The following PMM2 variants were observed in gnomAD, a reference collection of about 807,000 sequenced individuals.
The protein encoded by PMM2 is mannose-6-phosphate isomerase.
PMM2 carries 35 observed loss-of-function variants against 33.2 expected under a neutral mutation model. That is an observed-to-expected ratio of 1.06 (90% CI 0.81 to 1.40). PMM2 has a LOEUF of 1.40. PMM2 is among the 40% of genes most tolerant of loss of function. PMM2 has a pLI of 0.00. For missense variants in PMM2, 386 were observed against 306.0 expected (o/e 1.26, Z -1.95); for synonymous variants, 153 against 114.7 (o/e 1.33, Z -2.13).
chr16:8,821,719 G>C (rs1210274049), intron 7 of PMM2, among the ~76,000 whole-genome samples: 3 of 152,234 alleles, frequency 2.0e-5, no homozygotes, highest in Non-Finnish European at 2.9e-5. Context: ...GCCAGCTCAG[G>C]TTCCACCCTC....
At chr16:8,803,774 C>T (rs1011050089) in intron 2 of PMM2, among the ~76,000 whole-genome samples, 1 of 151,926 alleles carries the variant, frequency 6.6e-6, no homozygotes, top group Non-Finnish European at 1.5e-5. Context: ...ACCTCTGCGT[C>T]CTGGGTTCAA....
intron 7 of PMM2, among the ~76,000 whole-genome samples, chr16:8,816,009 T>C (rs2060706284): frequency 6.6e-6 from 1 of 151,542 alleles, no homozygotes; most frequent in Non-Finnish European, 1.5e-5. Context: ...TAGACAGTTC[T>C]CCAAAGAAGA....
chr16:8,797,927 G>A lies in PMM2; in HGVS notation c.45G>A (p.Gly15=). 1 of 1,609,278 alleles carries A rather than the reference G, an allele frequency of 6.2e-7. No individual in the cohort carries two copies. Among genetic ancestry groups the A allele is most frequent in the Non-Finnish European group, 8.5e-7 (1 of 1,178,348 alleles). ...CGCTCTGCCTCTTCGACGTGGATGGGACCCTCACCGCCCCGCGGCAGGTAA... is the reference window on the plus strand; with the variant it reads ...CGCTCTGCCTCTTCGACGTGGATGGAACCCTCACCGCCCCGCGGCAGGTAA... The part of the protein sequence containing the change: ...GPALCLFDVD[G]TLTAPRQKIT... The change falls in exon 1 of 8, where the codon GGG becomes GGA. Residue 15 remains glycine (G), a synonymous_variant. Transcript: ENST00000268261.
At position 8,847,912 on chromosome 16, in the gene PMM2, C is replaced by T. The variant is rs966704718; in HGVS notation, c.*87C>T. 4.2e-6 allele frequency: 4 copies of T among 956,928 alleles called. No individual in the cohort carries two copies. Among genetic ancestry groups the T allele is most frequent in the South Asian group, 2.6e-5 (2 of 75,608 alleles). 59.3% of individuals were successfully genotyped at this position (956,928 alleles called of 1,614,324 possible). ...AGCCGAGGGTCCTCCCACACGTGCTCACCCACCCGCAGCCTAGGCAGGCTC... is the reference window on the plus strand; with the variant it reads ...AGCCGAGGGTCCTCCCACACGTGCTTACCCACCCGCAGCCTAGGCAGGCTC... On this transcript the variant is annotated 3_prime_UTR_variant, in exon 8 of 8. Transcript: ENST00000268261.
At chr16:8,843,036 C>T (rs915946276) in intron 7 of PMM2, among the ~76,000 whole-genome samples, 11 of 152,086 alleles carry the variant, frequency 7.2e-5, no homozygotes, top group African/African-American at 1.4e-4. Context: ...GTCAGGGAAG[C>T]AGATAATTTG....
Position 8,834,631 on chromosome 16 carries a change from A to G in PMM2, c.640-13093A>G, listed in dbSNP as rs546014536. Among the ~76,000 whole-genome samples, 5 of 152,266 alleles carry G rather than the reference A, an allele frequency of 3.3e-5. No individual in the cohort carries two copies. The South Asian group carries it at 1.0e-3, about 32-fold the overall frequency. ...AATCCCTGAGGAGTAGTAGAATAGC[A>G]GATGGAACACTGAGAAGTTATTTCC... On this transcript the variant is annotated intron_variant, in intron 7 of 7. Transcript: ENST00000268261.
intron 7 of PMM2, among the ~76,000 whole-genome samples, chr16:8,819,136 A>C (rs529568309): frequency 1.1e-4 from 16 of 152,226 alleles, no homozygotes; most frequent in Admixed American, 2.0e-4. Context: ...CAGTGCACTC[A>C]AGCATGTGTG....
chr16:8,849,008 T>C lies in PMM2; in HGVS notation c.*1183T>C, dbSNP rs1448429884. ...AAACACTGAGCCATACACCCTCCAT[T>C]GCTTGGTGCTGGGGTTGTGTGGCCT... On this transcript the variant is annotated 3_prime_UTR_variant, in exon 8 of 8. Coordinates refer to ENST00000268261, the MANE Select transcript of PMM2 (RefSeq NM_000303.3). 2 of 152,188 alleles carry C rather than the reference T, an allele frequency of 1.3e-5. No individual in the cohort carries two copies. Among genetic ancestry groups the C allele is most frequent in the Non-Finnish European group, 2.9e-5 (2 of 68,044 alleles). 9.4% of individuals were successfully genotyped at this position (152,188 alleles called of 1,614,324 possible).
At chr16:8,823,625 G>T (rs1260148330) in intron 7 of PMM2, among the ~76,000 whole-genome samples, 2 of 141,568 alleles carry the variant, frequency 1.4e-5, no homozygotes, top group Non-Finnish European at 3.2e-5. Flanking sequence ...CTGAAACTTT[G>T]TTCCATAAGA....
At chr16:8,842,348 C>T (rs2060896028) in intron 7 of PMM2, 1 of 152,072 alleles carries the variant, frequency 6.6e-6, no homozygotes, top group Non-Finnish European at 1.5e-5. Flanking sequence ...GGAGGGGCTA[C>T]AAAGAAGAAG....
At chr16:8,799,061 A>G (rs905363649) in intron 1 of PMM2, among the ~76,000 whole-genome samples, 1 of 152,120 alleles carries the variant, frequency 6.6e-6, no homozygotes, top group Non-Finnish European at 1.5e-5. Flanking sequence ...CCGGTCCCCA[A>G]TTCATTTTTT....
chr16:8,825,756 A>ATTTT (rs35928064), intron 7 of PMM2, among the ~76,000 whole-genome samples: 5 of 134,200 alleles, frequency 3.7e-5, no homozygotes, highest in Non-Finnish European at 3.1e-5. Flanking sequence ...ATAAAACACT[A>ATTTT]TTTTTTTTTT....
intron 6 of PMM2, 95 bp from the exon 7 acceptor site, chr16:8,812,896 A>C: frequency 2.5e-6 from 2 of 795,246 alleles, no homozygotes; most frequent in South Asian, 2.7e-5. Flanking sequence ...TTGGCAACCC[A>C]CTAACTGACA....
intron 7 of PMM2, among the ~76,000 whole-genome samples, chr16:8,843,376 C>CA (rs2060902772): frequency 6.6e-6 from 1 of 152,082 alleles, no homozygotes; most frequent in Admixed American, 6.6e-5. Flanking sequence ...GCCAAGGAGT[C>CA]AGTCAGAGAG....
intron 7 of PMM2, among the ~76,000 whole-genome samples, chr16:8,816,499 G>T (rs1244393511): frequency 4.0e-5 from 6 of 151,828 alleles, no homozygotes; most frequent in African/African-American, 1.5e-4. Flanking sequence ...CCAGCACTTT[G>T]GGAGGCCAAG....
At chr16:8,820,092 G>A (rs531393411) in intron 7 of PMM2, among the ~76,000 whole-genome samples, 1 of 152,344 alleles carries the variant, frequency 6.6e-6, no homozygotes, top group South Asian at 2.1e-4. Flanking sequence ...AGCTACTCAG[G>A]AGGCTGAGGC....
chr16:8,839,113 A>T (rs1423268309), intron 7 of PMM2, among the ~76,000 whole-genome samples: 1 of 151,952 alleles, frequency 6.6e-6, no homozygotes, highest in Admixed American at 6.6e-5. Flanking sequence ...GGAGGCAGAA[A>T]GTCCTAAACC....
intron 7 of PMM2, among the ~76,000 whole-genome samples, chr16:8,826,568 A>T (rs935738225): frequency 6.6e-6 from 1 of 152,230 alleles, no homozygotes; most frequent in Non-Finnish European, 1.5e-5. Context: ...CCAAATGAAG[A>T]CAGTTTTATT....
chr16:8,805,116 G>A (rs541026098), intron 3 of PMM2, among the ~76,000 whole-genome samples: 2 of 152,158 alleles, frequency 1.3e-5, no homozygotes, highest in East Asian at 1.9e-4. Flanking sequence ...GGAGTGCAGC[G>A]GCACGATCTC....
Sources: allele counts gnomAD v4.1 joint callset (sites outside exome capture counted in the v4.1 genomes callset), GRCh38; gene constraint gnomAD v4.1.1; transcripts MANE v1.5; gene names NCBI Gene and HGNC (gene_info 2026-07-23, HGNC 2026-07-21).